Variants in TXNRD2 observed in about 807,000 individuals in gnomAD.
TXNRD2 encodes the protein thioredoxin reductase 2, mitochondrial.
In TXNRD2, 67 loss-of-function variants were observed where a neutral mutation model predicts 70.8. That is an observed-to-expected ratio of 0.95 (90% confidence interval 0.78 to 1.16). The LOEUF (loss-of-function observed/expected upper bound fraction) is 1.16. TXNRD2 is among the 50% of genes most tolerant of loss of function. The pLI, the probability that TXNRD2 is intolerant of heterozygous loss-of-function variation, is 0.00. For synonymous variants in TXNRD2, 301 were observed against 295.8 expected (o/e 1.02, Z -0.18); for missense variants, 644 against 719.9 (o/e 0.89, Z 1.21).
intron 7 of TXNRD2, among the ~76,000 whole-genome samples, chr22:19,914,463 G>A (rs1940545183): frequency 6.6e-6 from 1 of 152,236 alleles, no homozygotes; most frequent in Non-Finnish European, 1.5e-5. Context: ...GAACCTGGAG[G>A]ATGTTATGCT....
At chr22:19,917,722 C>G (rs955008326) in intron 5 of TXNRD2, among the ~76,000 whole-genome samples, 5 of 152,156 alleles carry the variant, frequency 3.3e-5, no homozygotes, top group African/African-American at 1.2e-4. Flanking sequence ...CTCCTGCACC[C>G]ACACCCAAGG....
intron 11 of TXNRD2, among the ~76,000 whole-genome samples, chr22:19,885,949 C>G (rs1341394335): frequency 6.6e-6 from 1 of 152,254 alleles, no homozygotes; most frequent in Non-Finnish European, 1.5e-5. Flanking sequence ...CCATCCAAAG[C>G]CAGGACTCTT....
chr22:19,899,054 G>A lies in TXNRD2; in HGVS notation c.677C>T (p.Ala226Val), dbSNP rs1374469315. ...ESPGKTLVVG[A>V]SYVALECAGF... ...TGCACGCTTGCAAAGGATACAGCTG[G>A]CCCCGACCACCAACCTGTTAGAGAA... The change falls in exon 9 of 18, where the codon GCC becomes GTC. Residue 226 changes from alanine to valine, a missense_variant. Physicochemically the swap from Ala to Val is moderately conservative, Grantham distance 64. Coordinates refer to ENST00000400521, the MANE Select transcript of TXNRD2 (RefSeq NM_006440.5). The A allele has an allele frequency of 6.2e-6, 10 of 1,606,958 alleles. No individual in the cohort carries two copies. The highest frequency in any genetic ancestry group is 8.5e-6 in the Non-Finnish European group (10 of 1,179,956).
At chr22:19,932,219 C>G (rs1941392330) in intron 1 of TXNRD2, 1 of 1,477,282 alleles carries the variant, frequency 6.8e-7, no homozygotes. Flanking sequence ...TCACAGCTGG[C>G]CAGTGCACAC....
intron 11 of TXNRD2, among the ~76,000 whole-genome samples, chr22:19,889,619 CA>C (rs1306869250): frequency 1.4e-5 from 2 of 142,084 alleles, no homozygotes; most frequent in Non-Finnish European, 3.0e-5. Flanking sequence ...CAAAAACAAA[CA>C]AAAAACAATT....
intron 15 of TXNRD2, 25 bp downstream of exon 15, chr22:19,878,341 C>T: frequency 6.2e-7 from 1 of 1,612,964 alleles, no homozygotes; most frequent in Non-Finnish European, 8.5e-7. Context: ...TCATCCTCAG[C>T]ACCCTGGGCC....
At chr22:19,909,626 CT>C (rs1189346747) in intron 8 of TXNRD2, among the ~76,000 whole-genome samples, 5 of 111,140 alleles carry the variant, frequency 4.5e-5, no homozygotes, top group Non-Finnish European at 9.1e-5. Flanking sequence ...ACACACACCA[CT>C]CACACACCAC....
At chr22:19,896,591 G>C (rs892923011) in intron 10 of TXNRD2, among the ~76,000 whole-genome samples, 2 of 152,212 alleles carry the variant, frequency 1.3e-5, no homozygotes, top group African/African-American at 4.8e-5. Flanking sequence ...ATCAGGGACA[G>C]AGAGAGTCCT....
At chr22:19,918,713 G>A in intron 4 of TXNRD2, 147 bp downstream of exon 4, 2 of 980,866 alleles carry the variant, frequency 2.0e-6, no homozygotes, top group Non-Finnish European at 3.1e-6. Flanking sequence ...CCAAATGTCT[G>A]AGGCAGACAG....
chr22:19,876,962 G>A, intron 17 of TXNRD2, 78 bp downstream of exon 17: 1 of 1,068,716 alleles, frequency 9.4e-7, no homozygotes, highest in Non-Finnish European at 1.3e-6. Context: ...CTGTACACCT[G>A]GAGGGAGCCC....
At chr22:19,933,561 T>G in intron 1 of TXNRD2, 2 of 1,260,620 alleles carry the variant, frequency 1.6e-6, no homozygotes, top group South Asian at 2.5e-5. Flanking sequence ...TCTGTATGGA[T>G]GTGCTTATCT....
rs1938735336 is a variant in TXNRD2 at position 19,880,714 on chromosome 22, GC to G, written c.1089del (p.Arg364GlyfsTer4). The G allele has an allele frequency of 6.2e-7, 1 of 1,608,428 alleles. No individual in the cohort carries two copies. Among genetic ancestry groups the G allele is most frequent in the Non-Finnish European group, 8.5e-7 (1 of 1,178,660 alleles). ...HIYAIGDVVE[G>X]RPELTPIAIM... ...ATCGCTATGGGTGTCAGCTCAGGCCGCCCCTTGGGGAAGGCACAGGGGGGCC... is the reference window on the plus strand; with the variant it reads ...ATCGCTATGGGTGTCAGCTCAGGCCGCCCTTGGGGAAGGCACAGGGGGGCC... On this transcript the variant is annotated frameshift_variant and splice_region_variant, in exon 13 of 18. Transcript: ENST00000400521. LOFTEE classifies it high-confidence loss of function.
Position 19,936,001 on chromosome 22 carries a change from C to G in TXNRD2, c.104-4903G>C, listed in dbSNP as rs527898362. ...AAATTCCTGTTAAAATGGGGGAGTT[C>G]GGGTTCCCATGGAAAATATGGTCAC... On this transcript the variant is annotated intron_variant, in intron 1 of 17. Transcript: ENST00000400521. Among the ~76,000 whole-genome samples, 4 of 152,268 alleles carry G rather than the reference C, an allele frequency of 2.6e-5. No homozygotes were observed. The South Asian group carries it at 8.3e-4, about 32-fold the overall frequency.
rs370756162 is a variant in TXNRD2, at chr22:19,919,528, T to C, written c.229+15A>G. The C allele has an allele frequency of 2.1e-4, 329 of 1,555,052 alleles. No individual in the cohort carries two copies. Among genetic ancestry groups the C allele is most frequent in the African/African-American group, 5.5e-4 (40 of 73,312 alleles). On this transcript the variant is annotated intron_variant, in intron 3 of 17. Coordinates refer to ENST00000400521, the MANE Select transcript of TXNRD2 (RefSeq NM_006440.5). ...CCTTCCCCAGGACACCCGGCTCCCA[T>C]AGGGTGCTGCCTACCTTGGGGAGAA...
In TXNRD2 at chr22:19,894,672, C is replaced by T. The variant is rs1939414204; in HGVS notation, c.949+735G>A. 1.6e-5 allele frequency: 3 copies of T among 183,824 alleles called. No individual in the cohort carries two copies. The South Asian group carries it at 3.0e-4, about 18-fold the overall frequency. 11.4% of individuals were successfully genotyped at this position (183,824 alleles called of 1,614,324 possible). ...AACCTAGCTGGAAAGCCTGAAGCAG[C>T]AAAACATTTAATATGCTAAAGAAAA... On this transcript the variant is annotated intron_variant, in intron 11 of 17. Transcript: ENST00000400521.
In TXNRD2 at chr22:19,895,113, G is replaced by C. The variant is rs759334162; in HGVS notation, c.949+294C>G. 8.8e-6 allele frequency: 14 copies of C among 1,598,404 alleles called. No homozygotes were observed. In the South Asian group the frequency reaches 1.5e-4, roughly 18 times the overall value. ...GATTGCCTAGTTGATCCTCGATGAGGACACCTGGCTGATGCCGTCTCAGTC... is the reference window on the plus strand; with the variant it reads ...GATTGCCTAGTTGATCCTCGATGAGCACACCTGGCTGATGCCGTCTCAGTC... On this transcript the variant is annotated intron_variant, in intron 11 of 17. Transcript: ENST00000400521.
rs983769476 is a variant in TXNRD2, at chr22:19,936,182, G to A, written c.104-5084C>T. 3.3e-5 allele frequency among the ~76,000 whole-genome samples: 5 copies of A among 151,982 alleles called. 1 individual carries two copies. Among genetic ancestry groups the A allele is most frequent in the East Asian group, 3.9e-4 (2 of 5,182 alleles). The stretch of plus-strand genomic sequence containing the variant: ...GTTTGGGGTGATTGGGCCTTGGTAC[G>A]TGCCATCCTAATGACATACCAATCC... On this transcript the variant is annotated intron_variant, in intron 1 of 17. Coordinates refer to ENST00000400521, the MANE Select transcript of TXNRD2 (RefSeq NM_006440.5).
At position 19,933,477 on chromosome 22, in the gene TXNRD2, C is replaced by T. The variant is rs1360380469; in HGVS notation, c.104-2379G>A. On this transcript the variant is annotated intron_variant, in intron 1 of 17. Coordinates refer to ENST00000400521, the MANE Select transcript of TXNRD2 (RefSeq NM_006440.5). ...GTCCTTCTTGTTGCCATAGCAGGGC[C>T]CTTGTTAGGTCATCCTGCCCTGCAG... 3 of 1,289,592 alleles carry T rather than the reference C, an allele frequency of 2.3e-6. No homozygotes were observed. In the African/African-American group the frequency reaches 4.6e-5, roughly 20 times the overall value. The allele number at this position is 1,289,592 out of a possible 1,614,324, so 79.9% of individuals were successfully genotyped here.
At chr22:19,917,511 C>T (rs984710824) in intron 5 of TXNRD2, among the ~76,000 whole-genome samples, 6 of 152,266 alleles carry the variant, frequency 3.9e-5, no homozygotes, top group Non-Finnish European at 5.9e-5. Flanking sequence ...CAGACCTCTG[C>T]GGGACCACTG....
Sources: allele counts gnomAD v4.1 joint callset (sites outside exome capture counted in the v4.1 genomes callset), GRCh38; gene constraint gnomAD v4.1.1; transcripts MANE v1.5; gene names NCBI Gene and HGNC (gene_info 2026-07-23, HGNC 2026-07-21).